Variants in SIN3B observed in about 807,000 individuals in gnomAD.
SIN3B encodes the protein paired amphipathic helix protein Sin3b.
SIN3B carries 19 observed loss-of-function variants against 120.2 expected under a neutral mutation model. That is an observed-to-expected ratio of 0.16 (90% CI 0.11 to 0.23). The LOEUF is 0.23. SIN3B is among the 10% of genes least tolerant of loss of function. SIN3B has a pLI of 1.00. For synonymous variants in SIN3B, 654 were observed against 653.2 expected (o/e 1.00, Z -0.02); for missense variants, 1,073 against 1,573.0 (o/e 0.68, Z 5.38).
At chr19:16,853,248 G>A (rs1038885404) in intron 7 of SIN3B, 90 bp downstream of exon 7, 28 of 1,219,688 alleles carry the variant, frequency 2.3e-5, no homozygotes, top group Non-Finnish European at 3.4e-5. Context: ...ATTGGGGCGG[G>A]GAGCAGGTAG....
At chr19:16,843,736 G>C (rs1271356397) in intron 4 of SIN3B, among the ~76,000 whole-genome samples, 1 of 152,228 alleles carries the variant, frequency 6.6e-6, no homozygotes, top group African/African-American at 2.4e-5. Context: ...AAGGGACAAC[G>C]CAGTATCCCC....
chr19:16,874,080 C>T (rs934047216), intron 14 of SIN3B, among the ~76,000 whole-genome samples: 1 of 152,186 alleles, frequency 6.6e-6, no homozygotes, highest in Non-Finnish European at 1.5e-5. Flanking sequence ...GTCTGCCCCA[C>T]GATCCCTGCT....
chr19:16,844,686 C>T (rs1971458380), intron 4 of SIN3B, among the ~76,000 whole-genome samples: 1 of 152,208 alleles, frequency 6.6e-6, no homozygotes, highest in Non-Finnish European at 1.5e-5. Flanking sequence ...CTCAGGGACA[C>T]CTAGAAAAAG....
At chr19:16,848,202 C>T (rs1051181785) in intron 5 of SIN3B, among the ~76,000 whole-genome samples, 1 of 152,138 alleles carries the variant, frequency 6.6e-6, no homozygotes, top group African/African-American at 2.4e-5. Flanking sequence ...TGAACAGTGC[C>T]GCCATCAACA....
chr19:16,854,175 T>C lies in SIN3B; in HGVS notation c.972T>C (p.Tyr324=). ...VRRVLKSQEV[Y]ENFLRCIALF... is the part of the protein sequence containing the mutation. ...GGGTGCTGAAGAGCCAGGAGGTGTA[T>C]GAAAACTTCCTCCGCTGCATCGCAC... Residue 324 remains tyrosine, a synonymous_variant, in exon 8 of 19, where the codon TAT becomes TAC. Transcript: ENST00000248054. The C allele has an allele frequency of 1.9e-6, 3 of 1,612,476 alleles. No individual in the cohort carries two copies. In the South Asian group the frequency reaches 3.3e-5, roughly 18 times the overall value.
rs796431171 is a variant in SIN3B, at chr19:16,864,564, T to G, written c.1383+768T>G. ...CGAGGCTGGTCTCACACTCCTGGCC[T>G]CAAGCGATCCTCCCACCTTGGCCTT... On this transcript the variant is annotated intron_variant, in intron 10 of 18. Transcript: ENST00000248054. Among the ~76,000 whole-genome samples, 9 of 152,030 alleles carry G rather than the reference T, an allele frequency of 5.9e-5. 1 individual carries two copies. The highest frequency in any genetic ancestry group is 2.2e-4 in the African/African-American group (9 of 41,526).
chr19:16,847,198 G>A, intron 5 of SIN3B, 85 bp downstream of exon 5: 1 of 1,470,124 alleles, frequency 6.8e-7, no homozygotes, highest in South Asian at 1.3e-5. Flanking sequence ...TCCGGGCCAA[G>A]CCTATGTACC....
At chr19:16,865,188 G>A in intron 10 of SIN3B, 1 of 537,294 alleles carries the variant, frequency 1.9e-6, no homozygotes, top group Non-Finnish European at 3.3e-6. Context: ...TAGCTACGTG[G>A]GAGGCTAAGG....
At chr19:16,872,931 G>A (rs1430525929) in intron 14 of SIN3B, among the ~76,000 whole-genome samples, 2 of 152,144 alleles carry the variant, frequency 1.3e-5, no homozygotes, top group African/African-American at 2.4e-5. Flanking sequence ...AGGCATGGGC[G>A]GTGCCCCGTG....
chr19:16,832,250 T>C (rs2144570650), intron 3 of SIN3B, among the ~76,000 whole-genome samples: 1 of 144,378 alleles, frequency 6.9e-6, no homozygotes, highest in South Asian at 2.2e-4. Context: ...CAGGCTGGAG[T>C]GCAGTGGCGC....
chr19:16,838,788 C>CAGA (rs1287582170), intron 3 of SIN3B, among the ~76,000 whole-genome samples: 1 of 152,018 alleles, frequency 6.6e-6, no homozygotes, highest in Non-Finnish European at 1.5e-5. Context: ...TCTCCTGCTT[C>CAGA]AGCCTTCCAA....
At chr19:16,836,837 C>T (rs144570532) in intron 3 of SIN3B, among the ~76,000 whole-genome samples, 1 of 152,244 alleles carries the variant, frequency 6.6e-6, no homozygotes, top group East Asian at 1.9e-4. Context: ...AGGGAGCCCC[C>T]TGGCTGTTCT....
chr19:16,863,754 G>A lies in SIN3B; in HGVS notation c.1341G>A (p.Pro447=), dbSNP rs150931359. 4.0e-5 allele frequency: 64 copies of A among 1,614,130 alleles called. No individual in the cohort carries two copies. The highest frequency in any genetic ancestry group is 4.7e-5 in the Non-Finnish European group (56 of 1,180,004). The part of the protein sequence containing the change: ...DSTFVSSKKT[P]YEEQLHRCED... ...CGTTCGTCAGCTCCAAGAAGACACC[G>A]TACGAGGAGCAGCTTCACCGCTGTG... Residue 447 remains proline (P), a synonymous_variant, in exon 10 of 19, where the codon CCG becomes CCA. Transcript: ENST00000248054.
rs1202925745 is a variant in SIN3B at position 16,851,416 on chromosome 19, C to G, written c.731C>G (p.Thr244Arg). ...ACCTCCCACATGTGTCCTTAGTTCA[C>G]AGGAAACGGGCCGTGCGAGATGCAC... ...FLPEAKRSLF[T>R]GNGPCEMHSV... Residue 244 changes from threonine to arginine, a missense_variant, in exon 6 of 19, where the codon ACA (threonine) becomes AGA (arginine). Thr to Arg is a moderately conservative substitution (Grantham distance 71). This residue lies in a region of SIN3B where 395 missense variants were observed against 528.0 expected (regional missense o/e 0.75). Coordinates refer to ENST00000248054, the MANE Select transcript of SIN3B (RefSeq NM_001297595.2). 3.1e-6 allele frequency: 5 copies of G among 1,599,492 alleles called. No individual in the cohort carries two copies. The highest frequency in any genetic ancestry group is 4.3e-6 in the Non-Finnish European group (5 of 1,173,164).
intron 8 of SIN3B, among the ~76,000 whole-genome samples, chr19:16,859,462 C>T (rs1215255655): frequency 6.6e-6 from 1 of 152,184 alleles, no homozygotes; most frequent in African/African-American, 2.4e-5. Flanking sequence ...CTCTAGTCCT[C>T]CCTGTAAGTG....
Position 16,847,024 on chromosome 19 carries a change from G to T in SIN3B, c.637G>T (p.Val213Leu). 1 of 1,614,214 alleles carries T rather than the reference G, an allele frequency of 6.2e-7. No homozygotes were observed. Among genetic ancestry groups the T allele is most frequent in the Non-Finnish European group, 8.5e-7 (1 of 1,180,022 alleles). ...RPFRGMSEEEVFTEVANLFRG... is the reference protein window; with the variant it reads ...RPFRGMSEEELFTEVANLFRG... ...ATTCCGAGGCATGTCTGAAGAGGAGGTGTTCACCGAGGTGGCCAACCTCTT... is the reference window on the plus strand; with the variant it reads ...ATTCCGAGGCATGTCTGAAGAGGAGTTGTTCACCGAGGTGGCCAACCTCTT... Residue 213 changes from valine (V) to leucine (L), a missense_variant, in exon 5 of 19, where the codon GTG becomes TTG. Physicochemically the swap from Val to Leu is conservative, Grantham distance 32. Coordinates refer to ENST00000248054, the MANE Select transcript of SIN3B (RefSeq NM_001297595.2).
At chr19:16,847,433 C>A (rs1209736410) in intron 5 of SIN3B, among the ~76,000 whole-genome samples, 1 of 152,256 alleles carries the variant, frequency 6.6e-6, no homozygotes, top group African/African-American at 2.4e-5. Flanking sequence ...TGCAGAGCCC[C>A]ACCCTGCCTG....
At chr19:16,877,064 C>T (rs533252924) in intron 16 of SIN3B, 12 of 190,758 alleles carry the variant, frequency 6.3e-5, no homozygotes, top group Admixed American at 6.1e-4. Context: ...GTCATTGGGG[C>T]CTGCAGCTCC....
At chr19:16,848,011 G>A (rs1488082514) in intron 5 of SIN3B, among the ~76,000 whole-genome samples, 1 of 152,186 alleles carries the variant, frequency 6.6e-6, no homozygotes, top group Non-Finnish European at 1.5e-5. Flanking sequence ...ACCATATGTG[G>A]CCTTTGTGTC....
Sources: allele counts gnomAD v4.1 joint callset (sites outside exome capture counted in the v4.1 genomes callset), GRCh38; gene constraint gnomAD v4.1.1; regional missense constraint gnomAD v4.1.1; transcripts MANE v1.5; gene names NCBI Gene and HGNC (gene_info 2026-07-23, HGNC 2026-07-21).